The following AGMO variants were observed in gnomAD, a reference collection of about 807,000 sequenced individuals.
AGMO encodes the protein alkylglycerol monooxygenase, also known as glyceryl-ether monooxygenase.
AGMO carries 75 observed loss-of-function variants against 60.2 expected under a neutral mutation model. That is an observed-to-expected ratio of 1.25 (90% confidence interval 1.03 to 1.51). The LOEUF is 1.51. Among genes scored for constraint, AGMO ranks in the 40% most tolerant of loss-of-function variants. AGMO has a pLI of 0.00. For missense variants in AGMO, 763 were observed against 525.5 expected (o/e 1.45, Z -4.42); for synonymous variants, 261 against 177.1 (o/e 1.47, Z -3.76).
chr7:15,317,204 A>G (rs1780952454), intron 12 of AGMO, among the ~76,000 whole-genome samples: 1 of 152,212 alleles, frequency 6.6e-6, no homozygotes, highest in Admixed American at 6.5e-5. Context: ...ATTGGGGATC[A>G]GTATTAACTT....
chr7:15,421,118 C>T (rs1196711653), intron 4 of AGMO, among the ~76,000 whole-genome samples: 1 of 152,070 alleles, frequency 6.6e-6, no homozygotes, highest in Non-Finnish European at 1.5e-5. Flanking sequence ...GGAAGCTAAA[C>T]ATATTTGCTA....
At chr7:15,278,722 TACTC>T (rs1783871927) in intron 12 of AGMO, among the ~76,000 whole-genome samples, 1 of 152,158 alleles carries the variant, frequency 6.6e-6, no homozygotes, top group Non-Finnish European at 1.5e-5. Context: ...GTGCCCAGCC[TACTC>T]ACTCCCTCCC....
At position 15,329,451 on chromosome 7, in the gene AGMO, T is replaced by C. The variant is rs182917795; in HGVS notation, c.1263+36063A>G. 1.2e-3 allele frequency among the ~76,000 whole-genome samples: 177 copies of C among 152,294 alleles called. 2 individuals carry two copies. The highest frequency in any genetic ancestry group is 4.2e-3 in the African/African-American group (173 of 41,560). ...GCTCCCAGAGGACATGACAAGAAATTGTCTATCCTTGTGTGGCCTTGAACC... is the reference window on the plus strand; with the variant it reads ...GCTCCCAGAGGACATGACAAGAAATCGTCTATCCTTGTGTGGCCTTGAACC... On this transcript the variant is annotated intron_variant, in intron 12 of 12. Coordinates refer to ENST00000342526, the MANE Select transcript of AGMO (RefSeq NM_001004320.2).
intron 12 of AGMO, among the ~76,000 whole-genome samples, chr7:15,251,263 C>A (rs909655995): frequency 1.3e-5 from 2 of 151,986 alleles, no homozygotes; most frequent in African/African-American, 2.4e-5. Context: ...CAATTAGATA[C>A]CCTCCTAGAG....
At chr7:15,550,171 G>A (rs1784907444) in intron 2 of AGMO, among the ~76,000 whole-genome samples, 1 of 151,408 alleles carries the variant, frequency 6.6e-6, no homozygotes, top group Non-Finnish European at 1.5e-5. Flanking sequence ...AAAGCAGTGT[G>A]TAGAGGGAAA....
In AGMO at chr7:15,241,459, CAAAAAAAAAAA is replaced by C. The variant is rs61727790; in HGVS notation, c.1264-40111_1264-40101del. 1.9e-3 allele frequency among the ~76,000 whole-genome samples: 97 copies of C among 51,360 alleles called. 1 individual carries two copies. In the East Asian group the frequency reaches 0.035, roughly 18 times the overall value. 33.7% of individuals were successfully genotyped at this position (51,360 alleles called of 152,430 possible). ...TGGGCGAAAGAGTGAGACTCCGTCT[CAAAAAAAAAAA>C]AAAAAAAAAAAAAAAAAAGACTAGG... On this transcript the variant is annotated intron_variant, in intron 12 of 12. Transcript: ENST00000342526.
At position 15,435,314 on chromosome 7, in the gene AGMO, CT is replaced by C. The variant is rs375796651; in HGVS notation, c.410-4207del. 8.0e-3 allele frequency among the ~76,000 whole-genome samples: 1,141 copies of C among 143,218 alleles called. 11 individuals are homozygous for C. Among genetic ancestry groups the C allele is most frequent in the African/African-American group, 0.023 (891 of 39,364 alleles). The allele number at this position is 143,218 out of a possible 152,430, so 94.0% of individuals were successfully genotyped here. On this transcript the variant is annotated intron_variant, in intron 3 of 12. Transcript: ENST00000342526. ...AAATTGTTTTCCAAAGTGGCTGTGCCTTTTTTTTTTTTTATTAGTACCAGCA... is the reference window on the plus strand; with the variant it reads ...AAATTGTTTTCCAAAGTGGCTGTGCCTTTTTTTTTTTTATTAGTACCAGCA...
At chr7:15,346,575 T>C (rs1782040774) in intron 12 of AGMO, among the ~76,000 whole-genome samples, 1 of 151,276 alleles carries the variant, frequency 6.6e-6, no homozygotes, top group Admixed American at 6.6e-5. Context: ...CTCTTCTTTA[T>C]ATTTCAAGCC....
chr7:15,361,654 T>G (rs1782771911), intron 12 of AGMO, among the ~76,000 whole-genome samples: 1 of 151,894 alleles, frequency 6.6e-6, no homozygotes. Context: ...TAAAACCATT[T>G]AGGTAACAGC....
chr7:15,390,809 T>C, intron 7 of AGMO, 31 bp downstream of exon 7: 1 of 1,586,356 alleles, frequency 6.3e-7, no homozygotes, highest in African/African-American at 1.3e-5. Context: ...GGAGCTGATT[T>C]AATTTTTTGA....
At chr7:15,378,795 A>C (rs1046618455) in intron 10 of AGMO, among the ~76,000 whole-genome samples, 3 of 151,472 alleles carry the variant, frequency 2.0e-5, no homozygotes, top group Non-Finnish European at 4.4e-5. Flanking sequence ...AAGACATTAA[A>C]ATCCAACAGA....
At chr7:15,322,475 AATATATAT>A (rs1188696935) in intron 12 of AGMO, among the ~76,000 whole-genome samples, 1 of 65,622 alleles carries the variant, frequency 1.5e-5, no homozygotes, top group Non-Finnish European at 3.2e-5. Context: ...TAAATATATA[AATATATAT>A]ATAAATATAT....
At chr7:15,222,721 T>A (rs1489815170) in intron 12 of AGMO, among the ~76,000 whole-genome samples, 1 of 152,026 alleles carries the variant, frequency 6.6e-6, no homozygotes, top group Non-Finnish European at 1.5e-5. Flanking sequence ...CTTTCAATTT[T>A]CCACATATAT....
chr7:15,394,539 CGTT>C (rs760093999), intron 5 of AGMO, among the ~76,000 whole-genome samples: 25 of 152,090 alleles, frequency 1.6e-4, no homozygotes, highest in Non-Finnish European at 2.9e-4. Flanking sequence ...TACATAATAA[CGTT>C]GTTCTGAGGA....
intron 12 of AGMO, among the ~76,000 whole-genome samples, chr7:15,229,726 A>G (rs992752657): frequency 1.6e-5 from 2 of 122,388 alleles, no homozygotes; most frequent in African/African-American, 9.0e-5. Flanking sequence ...TATTATATAT[A>G]AATTATATAT....
At chr7:15,120,659 C>T in the AGMO span, among the ~76,000 whole-genome samples, 3 of 152,050 alleles carry the variant, frequency 2.0e-5, no homozygotes, top group African/African-American at 7.2e-5. Context: ...ACTTGGACTC[C>T]CCACCCTCCA....
chr7:15,394,341 T>C (rs1784281949), intron 5 of AGMO, among the ~76,000 whole-genome samples, 162 bp from the exon 6 acceptor site: 1 of 152,158 alleles, frequency 6.6e-6, no homozygotes, highest in South Asian at 2.1e-4. Context: ...GGAATTCATA[T>C]AAAGACAATA....
At chr7:15,225,910 G>A (rs1038356104) in intron 12 of AGMO, among the ~76,000 whole-genome samples, 4 of 151,526 alleles carry the variant, frequency 2.6e-5, no homozygotes, top group African/African-American at 9.7e-5. Flanking sequence ...TCTTACCCTG[G>A]CAACTTGGCA....
At chr7:15,243,459 G>A (rs1012382829) in intron 12 of AGMO, among the ~76,000 whole-genome samples, 1 of 151,938 alleles carries the variant, frequency 6.6e-6, no homozygotes, top group South Asian at 2.1e-4. Context: ...TTCTCTGTTT[G>A]GGAATTGGAA....
Sources: allele counts gnomAD v4.1 joint callset (sites outside exome capture counted in the v4.1 genomes callset), GRCh38; gene constraint gnomAD v4.1.1; transcripts MANE v1.5; gene names NCBI Gene and HGNC (gene_info 2026-07-23, HGNC 2026-07-21).